The following NEB variants were observed in gnomAD, a reference collection of about 807,000 sequenced individuals.
NEB encodes the protein nemaline myopathy type 2.
NEB carries 512 observed loss-of-function variants against 952.2 expected under a neutral mutation model. That is an observed-to-expected ratio of 0.54 (90% CI 0.50 to 0.58). The LOEUF (loss-of-function observed/expected upper bound fraction) is 0.58. Ranked by LOEUF, NEB falls within the 20% of genes least tolerant of loss-of-function variation. The pLI is 0.00. For missense variants in NEB, 8,428 were observed against 9,231.1 expected, an observed-to-expected ratio of 0.91 and a Z score of 3.56; for synonymous variants, 2,900 against 3,149.8, an observed-to-expected ratio of 0.92 and a Z score of 2.66.
At chr2:151,557,426 T>A (rs1390878640) in intron 124 of NEB, among the ~76,000 whole-genome samples, 1 of 152,200 alleles carries the variant, frequency 6.6e-6, no homozygotes, top group Non-Finnish European at 1.5e-5. Flanking sequence ...CACACCTGGA[T>A]TCTACCAGAG....
At chr2:151,695,176 T>C (rs1340232156) in intron 18 of NEB, among the ~76,000 whole-genome samples, 1 of 152,172 alleles carries the variant, frequency 6.6e-6, no homozygotes, top group African/African-American at 2.4e-5. Flanking sequence ...TCTTTATTCA[T>C]GCAAGTTCTC....
At chr2:151,545,304 G>A (rs1161558600) in intron 135 of NEB, among the ~76,000 whole-genome samples, 1 of 152,196 alleles carries the variant, frequency 6.6e-6, no homozygotes, top group Non-Finnish European at 1.5e-5. Context: ...GGCCAGGCGT[G>A]GTGGCTCACG....
At chr2:151,659,654 G>A (rs2099125054) in intron 46 of NEB, among the ~76,000 whole-genome samples, 2 of 151,962 alleles carry the variant, frequency 1.3e-5, no homozygotes, top group Admixed American at 1.3e-4. Flanking sequence ...CAGGGAGGAT[G>A]TAAGATGGAA....
chr2:151,548,304 G>A lies in NEB; in HGVS notation c.20157+4C>T, dbSNP rs1254656275. 2 of 1,603,186 alleles carry A rather than the reference G, an allele frequency of 1.2e-6. No individual in the cohort carries two copies. Among genetic ancestry groups the A allele is most frequent in the East Asian group, 2.2e-5 (1 of 44,804 alleles). ...TGTCTCTTGGAGAATCAGCATTCAG[G>A]TACCTCGCTGGTAACATTGTTGACT... On this transcript the variant is annotated splice_donor_region_variant and intron_variant, in intron 131 of 181. Coordinates refer to ENST00000397345, the MANE Select transcript of NEB (RefSeq NM_001164508.2).
intron 9 of NEB, among the ~76,000 whole-genome samples, chr2:151,717,840 T>C (rs1408783166): frequency 6.8e-6 from 1 of 147,932 alleles, no homozygotes; most frequent in Non-Finnish European, 1.5e-5. Flanking sequence ...GACTTGACCA[T>C]ATACCTCCTT....
chr2:151,633,621 A>G, intron 65 of NEB, 33 bp downstream of exon 65: 3 of 1,579,936 alleles, frequency 1.9e-6, no homozygotes, highest in Non-Finnish European at 2.6e-6. Context: ...AATTATTTCT[A>G]TGCACAGCTC....
In NEB at chr2:151,662,281, A is replaced by T. The variant is rs2154168846; in HGVS notation, c.5824T>A (p.Ser1942Thr). 2 of 1,613,650 alleles carry T rather than the reference A, an allele frequency of 1.2e-6. No individual in the cohort carries two copies. Among genetic ancestry groups the T allele is most frequent in the Non-Finnish European group, 1.7e-6 (2 of 1,179,666 alleles). Reference protein sequence around the residue: ...MKGIGWLPLGSLEAEKNKKAM... With the variant: ...MKGIGWLPLGTLEAEKNKKAM... ...TTCTTGTTTTTCTCTGCTTCCAGGG[A>T]GCCCAGAGGGAGCCATCCAATGCCC... Residue 1942 changes from serine (S) to threonine (T), a missense_variant, in exon 46 of 182, where the codon TCC becomes ACC. Around this residue, in one of 11 missense-constraint regions of NEB, gnomAD observed 2,851 missense variants for 2,791.5 expected, o/e 1.02. Transcript: ENST00000397345.
Position 151,679,778 on chromosome 2 carries a change from C to T in NEB, c.3198G>A (p.Leu1066=), listed in dbSNP as rs772798693. The part of the protein sequence containing the change: ...LKDLSKKGYD[L]RTDAIPIRAA... ...CTCTGATGGGAATCGCATCAGTTCT[C>T]AGGTCATATCCCTTCTTGCTCAAGT... The change falls in exon 32 of 182, where the codon CTG becomes CTA. Residue 1066 remains leucine (L), a synonymous_variant. Transcript: ENST00000397345. 2 of 1,612,520 alleles carry T rather than the reference C, an allele frequency of 1.2e-6. No individual in the cohort carries two copies. The highest frequency in any genetic ancestry group is 1.7e-6 in the Non-Finnish European group (2 of 1,179,156).
At position 151,650,333 on chromosome 2, in the gene NEB, C is replaced by CT; in HGVS notation, c.7273dup (p.Ser2425LysfsTer20). ...TTCTGCCTCTAAAGAACCCAAGGGA[C>CT]TCCATCCTATGCCTCTCAGCCACTC... is the stretch of plus-strand genomic sequence containing the variant. On this transcript the variant is annotated frameshift_variant, in exon 54 of 182. Transcript: ENST00000397345. LOFTEE classifies it high-confidence loss of function. 6.2e-7 allele frequency: 1 copy of CT among 1,613,906 alleles called. No homozygotes were observed. The highest frequency in any genetic ancestry group is 8.5e-7 in the Non-Finnish European group (1 of 1,179,852).
intron 68 of NEB, among the ~76,000 whole-genome samples, chr2:151,628,309 A>C (rs571015530): frequency 1.3e-5 from 2 of 152,272 alleles, no homozygotes; most frequent in East Asian, 3.9e-4. Context: ...TCCTTCCCAA[A>C]TCCAGCTCTG....
chr2:151,695,470 T>C, intron 18 of NEB, 108 bp downstream of exon 18: 1 of 784,040 alleles, frequency 1.3e-6, no homozygotes, highest in Non-Finnish European at 2.1e-6. Flanking sequence ...TGTTAACAGT[T>C]CTTCTCATTT....
rs192402741 is a variant in NEB at position 151,525,997 on chromosome 2, G to C, written c.22122C>G (p.Asp7374Glu). ...GSYTTLPETR[D>E]TVHVKEVTKH... is the part of the protein sequence containing the mutation. ...TGGTCACTTCCTTGACGTGAACAGT[G>C]TCCCGGGTCTCTGGTAGTGTTGTGT... The change falls in exon 150 of 182, where the codon GAC becomes GAG. Residue 7374 changes from aspartate to glutamate, a missense_variant. By Grantham distance (45) the Asp-to-Glu change is conservative. Around this residue, in one of 11 missense-constraint regions of NEB, gnomAD observed 3,374 missense variants for 3,651.5 expected, o/e 0.92. Transcript: ENST00000397345. 4.4e-3 allele frequency: 7,102 copies of C among 1,613,972 alleles called. 26 individuals are homozygous for C. The highest frequency in any genetic ancestry group is 5.5e-3 in the Non-Finnish European group (6,512 of 1,179,840).
chr2:151,658,224 G>T, intron 47 of NEB, 134 bp from the exon 48 acceptor site: 1 of 619,012 alleles, frequency 1.6e-6, no homozygotes, highest in Non-Finnish European at 2.8e-6. Flanking sequence ...TTCAGTGGCT[G>T]AATGTTCTTA....
intron 64 of NEB, among the ~76,000 whole-genome samples, chr2:151,635,338 C>T (rs769824171): frequency 6.6e-5 from 10 of 152,088 alleles, no homozygotes; most frequent in Non-Finnish European, 1.0e-4. Flanking sequence ...ATTTTTAGAG[C>T]CGTCATTTGT....
rs761067911 is a variant in NEB, at chr2:151,493,386, CTCCATCTCTGGAGTAACAGGTG to C, written c.24710_24731del (p.Thr8237ArgfsTer36). On this transcript the variant is annotated frameshift_variant, in exon 176 of 182. Coordinates refer to ENST00000397345, the MANE Select transcript of NEB (RefSeq NM_001164508.2). LOFTEE classifies it high-confidence loss of function. ...TGTTTTCTTGGTTGCGCTTAGCTCT[CTCCATCTCTGGAGTAACAGGTG>C]TCGGAGTTGCTTTTCTCATGTTCTC... 4 of 1,612,104 alleles carry C rather than the reference CTCCATCTCTGGAGTAACAGGTG, an allele frequency of 2.5e-6. No individual in the cohort carries two copies. In the East Asian group the frequency reaches 8.9e-5, roughly 36 times the overall value.
At chr2:151,495,405 A>C (rs2059528830) in intron 173 of NEB, 1 of 152,214 alleles carries the variant, frequency 6.6e-6, no homozygotes, top group African/African-American at 2.4e-5. Context: ...AAACTAGAGC[A>C]GGACCCAGCA....
rs760973264 is a variant in NEB at position 151,531,061 on chromosome 2, C to A, written c.21563G>T (p.Gly7188Val). ...GGGTGTGTCGTGGATTGTGGTGTAG[C>A]CTCTGGGTTTGGCCTTGTTGTATTC... The part of the protein sequence containing the change: ...KLEYNKAKPR[G>V]YTTIHDTPML... Residue 7188 changes from glycine to valine, a missense_variant, in exon 145 of 182, where the codon GGC becomes GTC. Around this residue, in one of 11 missense-constraint regions of NEB, gnomAD observed 3,374 missense variants for 3,651.5 expected, o/e 0.92. Coordinates refer to ENST00000397345, the MANE Select transcript of NEB (RefSeq NM_001164508.2). 1.9e-6 allele frequency: 3 copies of A among 1,613,474 alleles called. No homozygotes were observed. In the South Asian group the frequency reaches 3.3e-5, roughly 18 times the overall value.
chr2:151,591,507 G>C (rs1211725728), intron 95 of NEB, 52 bp from the exon 96 acceptor site: 1 of 1,392,106 alleles, frequency 7.2e-7, no homozygotes, highest in African/African-American at 1.4e-5. Flanking sequence ...GAGCTACTGA[G>C]TCAGCATTAC....
At chr2:151,688,192 G>T in intron 25 of NEB, 100 bp downstream of exon 25, 2 of 970,658 alleles carry the variant, frequency 2.1e-6, no homozygotes, top group Non-Finnish European at 3.1e-6. Context: ...CCATCTTAAA[G>T]TTGTTTATTT....
Sources: gnomAD v4.1 joint callset for allele counts (sites outside exome capture counted in the v4.1 genomes callset) on GRCh38, gnomAD v4.1.1 for gene constraint, gnomAD v4.1.1 regional missense constraint, MANE v1.5 for transcripts, NCBI Gene and HGNC (gene_info 2026-07-23, HGNC 2026-07-21) for gene names.